The following CHRNA1 variants were observed in gnomAD, a reference collection of about 807,000 sequenced individuals.
The protein encoded by CHRNA1 is acetylcholine receptor subunit alpha.
Under a neutral mutation model 47.1 loss-of-function variants are expected in CHRNA1, and 35 were observed. The observed-to-expected ratio is 0.74, with a 90% confidence interval of 0.57 to 0.99. The LOEUF (loss-of-function observed/expected upper bound fraction) is 0.99, where lower values mean the gene tolerates loss of function less well. Ranked by LOEUF, CHRNA1 falls within the 50% of genes least tolerant of loss-of-function variation. CHRNA1 has a pLI of 0.00. For synonymous variants in CHRNA1, 229 were observed against 223.6 expected (o/e 1.02, Z -0.22); for missense variants, 506 against 591.1 (o/e 0.86, Z 1.49).
chr2:174,751,573 A>G (rs74803262), intron 6 of CHRNA1, among the ~76,000 whole-genome samples: 13,440 of 152,258 alleles, frequency 0.088, 746 homozygotes, highest in South Asian at 0.21. Context: ...CCACTTATAT[A>G]AAATTTGTTG....
rs539534320 is a variant in CHRNA1, at chr2:174,761,869, G to C, written c.44-2236C>G. Among the ~76,000 whole-genome samples, 6 of 152,298 alleles carry C rather than the reference G, an allele frequency of 3.9e-5. No homozygotes were observed. The South Asian group carries it at 1.0e-3, about 26-fold the overall frequency. On this transcript the variant is annotated intron_variant, in intron 1 of 8. Transcript: ENST00000348749. ...GTTGCAGACTGGAATGGATTACTGAGCACCTTGGCCATTGAATTTGAAGCT... is the reference window on the plus strand; with the variant it reads ...GTTGCAGACTGGAATGGATTACTGACCACCTTGGCCATTGAATTTGAAGCT...
rs61737716 is a variant in CHRNA1 at position 174,748,589 on chromosome 2, C to A, written c.1233G>T (p.Glu411Asp). 1,583 of 1,612,542 alleles carry A rather than the reference C, an allele frequency of 9.8e-4. 16 individuals are homozygous for A. The African/African-American group carries it at 0.018, about 19-fold the overall frequency. The change falls in exon 8 of 9, where the codon GAG becomes GAT. Residue 411 changes from glutamate to aspartate, a missense_variant. Coordinates refer to ENST00000348749, the MANE Select transcript of CHRNA1 (RefSeq NM_000079.4). Reference protein sequence around the residue: ...YIAETMKSDQESNNAAAEWKY... With the variant: ...YIAETMKSDQDSNNAAAEWKY... ...AAGCCACGAAGCTTACATTGTTAGA[C>A]TCCTGGTCTGACTTCATGGTCTCTG...
At chr2:174,764,240 G>A in intron 1 of CHRNA1, 112 bp downstream of exon 1, 1 of 1,110,320 alleles carries the variant, frequency 9.0e-7, no homozygotes, top group Non-Finnish European at 1.3e-6. Flanking sequence ...CCTGGTTGGG[G>A]AGGCTCTGCC....
In CHRNA1 at chr2:174,759,349, G is replaced by C; in HGVS notation, c.216C>G (p.Thr72=). Residue 72 remains threonine (T), a synonymous_variant, in exon 3 of 9, where the codon ACC becomes ACG. Coordinates refer to ENST00000348749, the MANE Select transcript of CHRNA1 (RefSeq NM_000079.4). The part of the protein sequence containing the change: ...NVDEVNQIVT[T]NVRLKQQWVD... ...AAGTTACCTGTTTCAGACGCACATT[G>C]GTTGTCACGATCTGATTTACTTCAT... 6.2e-7 allele frequency: 1 copy of C among 1,613,916 alleles called. No individual in the cohort carries two copies. The highest frequency in any genetic ancestry group is 8.5e-7 in the Non-Finnish European group (1 of 1,179,952).
chr2:174,758,324 G>A (rs1201639845), intron 3 of CHRNA1, among the ~76,000 whole-genome samples: 4 of 152,032 alleles, frequency 2.6e-5, no homozygotes, highest in African/African-American at 4.8e-5. Context: ...CAGGAGAATC[G>A]CTTGAACCTG....
rs1684008402 is a variant in CHRNA1 at position 174,757,637 on chromosome 2, G to C, written c.273C>G (p.Asp91Glu). 2 of 1,614,160 alleles carry C rather than the reference G, an allele frequency of 1.2e-6. No homozygotes were observed. The highest frequency in any genetic ancestry group is 1.7e-6 in the Non-Finnish European group (2 of 1,180,012). ...VDYNLKWNPD[D>E]YGGVKKIHIP... ...TGTGAATTTTTTTCACACCGCCATAGTCATCTGGATTCCATTTTAGGTTGT... is the reference window on the plus strand; with the variant it reads ...TGTGAATTTTTTTCACACCGCCATACTCATCTGGATTCCATTTTAGGTTGT... Residue 91 changes from aspartate (D) to glutamate (E), a missense_variant, in exon 4 of 9, where the codon GAC (aspartate) becomes GAG (glutamate). Coordinates refer to ENST00000348749, the MANE Select transcript of CHRNA1 (RefSeq NM_000079.4).
chr2:174,764,467 T>C lies in CHRNA1; in HGVS notation c.-73A>G. ...TCTCACTGGCACTCTGGCTGGGTGCTTGTCTGCTGGAGGGTTTGGAAAGCG... is the reference window on the plus strand; with the variant it reads ...TCTCACTGGCACTCTGGCTGGGTGCCTGTCTGCTGGAGGGTTTGGAAAGCG... On this transcript the variant is annotated 5_prime_UTR_variant, in exon 1 of 9. Transcript: ENST00000348749. 6.6e-7 allele frequency: 1 copy of C among 1,509,140 alleles called. No homozygotes were observed. The highest frequency in any genetic ancestry group is 9.1e-7 in the Non-Finnish European group (1 of 1,095,112). The allele number at this position is 1,509,140 out of a possible 1,614,324, so 93.5% of individuals were successfully genotyped here. A position where few individuals can be genotyped will look rare whatever the true frequency, so the allele number is the denominator to read the frequency against.
In CHRNA1 at chr2:174,748,696, C is replaced by T; in HGVS notation, c.1126G>A (p.Gly376Arg). 6.2e-7 allele frequency: 1 copy of T among 1,614,188 alleles called. No homozygotes were observed. Among genetic ancestry groups the T allele is most frequent in the Non-Finnish European group, 8.5e-7 (1 of 1,180,040 alleles). Residue 376 changes from glycine (G) to arginine (R), a missense_variant, in exon 8 of 9, where the codon GGG (glycine) becomes AGG (arginine). Physicochemically the swap from Gly to Arg is moderately radical, Grantham distance 125 (BLOSUM62 -2). Transcript: ENST00000348749. ...IDISDISGKP[G>R]PPPMGFHSPL... ...GAGTGGAAGCCCATGGGTGGAGGCC[C>T]TGGCTTTCCAGAAATGTCAGAGATA...
At chr2:174,759,791 T>C (rs910227560) in intron 1 of CHRNA1, among the ~76,000 whole-genome samples, 158 bp from the exon 2 acceptor site, 11 of 152,090 alleles carry the variant, frequency 7.2e-5, no homozygotes, top group African/African-American at 2.7e-4. Context: ...CAGCAGTTAT[T>C]GCCTTGTGTT....
At chr2:174,753,209 G>T (rs1385249429) in intron 6 of CHRNA1, 2 of 604,470 alleles carry the variant, frequency 3.3e-6, no homozygotes. Context: ...GCACACAGTT[G>T]GTATTCAGCA....
intron 1 of CHRNA1, 66 bp downstream of exon 1, chr2:174,764,286 T>G: frequency 1.3e-6 from 2 of 1,534,998 alleles, no homozygotes; most frequent in African/African-American, 1.4e-5. Flanking sequence ...AGACTTTGAT[T>G]TGGGGGCCTC....
At chr2:174,758,895 A>G (rs1684035907) in intron 3 of CHRNA1, among the ~76,000 whole-genome samples, 1 of 151,984 alleles carries the variant, frequency 6.6e-6, no homozygotes, top group Non-Finnish European at 1.5e-5. Context: ...ATTTAAATAT[A>G]CATATATATT....
intron 4 of CHRNA1, among the ~76,000 whole-genome samples, chr2:174,755,487 T>C (rs942020211): frequency 3.3e-5 from 5 of 151,826 alleles, no homozygotes; most frequent in African/African-American, 1.2e-4. Context: ...TGGCGTGATA[T>C]CGGCTCACTG....
At chr2:174,749,863 T>G in intron 7 of CHRNA1, 83 bp downstream of exon 7, 1 of 1,211,654 alleles carries the variant, frequency 8.3e-7, no homozygotes, top group Non-Finnish European at 1.2e-6. Flanking sequence ...GCCCCAAGTA[T>G]TAGCTAGAAA....
chr2:174,759,876 C>A (rs924488789), intron 1 of CHRNA1, among the ~76,000 whole-genome samples: 1 of 151,208 alleles, frequency 6.6e-6, no homozygotes, highest in Admixed American at 6.6e-5. Context: ...AACGCTTGTA[C>A]TTTGGACAGG....
rs1684046661 is a variant in CHRNA1 at position 174,759,359 on chromosome 2, A to G, written c.206T>C (p.Ile69Thr). The G allele has an allele frequency of 2.5e-6, 4 of 1,612,682 alleles. No homozygotes were observed. The highest frequency in any genetic ancestry group is 3.4e-6 in the Non-Finnish European group (4 of 1,179,488). ...QLINVDEVNQIVTTNVRLKQQ... is the reference protein window; with the variant it reads ...QLINVDEVNQTVTTNVRLKQQ... ...TTTCAGACGCACATTGGTTGTCACG[A>G]TCTGATTTACTTCATCCTGGAAAAA... The change falls in exon 3 of 9, where the codon ATC becomes ACC. Residue 69 changes from isoleucine (I) to threonine (T), a missense_variant. Ile to Thr is a moderately conservative substitution (Grantham distance 89). Transcript: ENST00000348749.
chr2:174,754,452 A>T (rs753613906), intron 4 of CHRNA1, 38 bp from the exon 5 acceptor site: 1 of 1,574,158 alleles, frequency 6.4e-7, no homozygotes, highest in Admixed American at 1.7e-5. Flanking sequence ...GCTCCAAGTG[A>T]CAGATGAGCC....
Position 174,747,985 on chromosome 2 carries a change from T to C in CHRNA1, c.*139A>G. 8.9e-7 allele frequency: 1 copy of C among 1,126,760 alleles called. No individual in the cohort carries two copies. Among genetic ancestry groups the C allele is most frequent in the Non-Finnish European group, 1.3e-6 (1 of 774,360 alleles). The allele number at this position is 1,126,760 out of a possible 1,614,324, so 69.8% of individuals were successfully genotyped here. ...TCAAGGCCATAAACTTACATAAAGGTAAATCTTATCATCAATAATAAGTAT... is the reference window on the plus strand; with the variant it reads ...TCAAGGCCATAAACTTACATAAAGGCAAATCTTATCATCAATAATAAGTAT... On this transcript the variant is annotated 3_prime_UTR_variant, in exon 9 of 9. Coordinates refer to ENST00000348749, the MANE Select transcript of CHRNA1 (RefSeq NM_000079.4).
In CHRNA1 at chr2:174,750,056, T is replaced by C. The variant is rs201185358; in HGVS notation, c.892A>G (p.Met298Val). ...ATGACGAACACCATGGTGAACAGCA[T>C]GTATTTTCCAATCAAGGGCACAGCA... ...SSAVPLIGKY[M>V]LFTMVFVIAS... Residue 298 changes from methionine to valine, a missense_variant, in exon 7 of 9, where the codon ATG (methionine) becomes GTG (valine). By Grantham distance (21) the Met-to-Val change is conservative. Coordinates refer to ENST00000348749, the MANE Select transcript of CHRNA1 (RefSeq NM_000079.4). 6.2e-7 allele frequency: 1 copy of C among 1,614,100 alleles called. No homozygotes were observed. The highest frequency in any genetic ancestry group is 1.7e-5 in the Admixed American group (1 of 60,006).
Sources: allele counts gnomAD v4.1 joint callset (sites outside exome capture counted in the v4.1 genomes callset), GRCh38; gene constraint gnomAD v4.1.1; transcripts MANE v1.5; gene names NCBI Gene and HGNC (gene_info 2026-07-23, HGNC 2026-07-21).